MRPS6: variants seen among roughly 807,000 people sequenced by gnomAD.
The protein encoded by MRPS6 is mitochondrial ribosomal protein S6.
Under a neutral mutation model 13.1 loss-of-function variants are expected in MRPS6, and 6 were observed. That is an observed-to-expected ratio of 0.46 (90% CI 0.25 to 0.91). MRPS6 has a LOEUF of 0.91. MRPS6 is among the 40% of genes least tolerant of loss of function. The pLI is 0.18. For synonymous variants in MRPS6, 61 were observed against 56.5 expected (o/e 1.08, Z -0.36); for missense variants, 164 against 155.6 (o/e 1.05, Z -0.29).
At chr21:34,085,414 C>T (rs995301389) in intron 1 of MRPS6, among the ~76,000 whole-genome samples, 2 of 152,100 alleles carry the variant, frequency 1.3e-5, no homozygotes, top group Non-Finnish European at 2.9e-5. Flanking sequence ...TGTAAATGTA[C>T]CCTATTTCCC....
At chr21:34,124,361 C>A (rs1980225346) in intron 1 of MRPS6, 1 of 152,176 alleles carries the variant, frequency 6.6e-6, no homozygotes, top group Non-Finnish European at 1.5e-5. Flanking sequence ...TCAGGCTTAT[C>A]CTTATAAAGT....
chr21:34,117,070 C>T (rs1014630441), intron 1 of MRPS6, among the ~76,000 whole-genome samples: 14 of 152,124 alleles, frequency 9.2e-5, no homozygotes, highest in African/African-American at 3.4e-4. Context: ...TAAAGGTGTA[C>T]ACATTTTAAA....
chr21:34,075,655 A>G (rs1399592709), intron 1 of MRPS6, among the ~76,000 whole-genome samples: 1 of 152,198 alleles, frequency 6.6e-6, no homozygotes, highest in Non-Finnish European at 1.5e-5. Context: ...ACTTATGTAC[A>G]ATGGCGAAGT....
In MRPS6 at chr21:34,116,329, T is replaced by C. The variant is rs1177056160; in HGVS notation, c.46-9012T>C. 3.3e-5 allele frequency among the ~76,000 whole-genome samples: 5 copies of C among 151,784 alleles called. No homozygotes were observed. In the East Asian group the frequency reaches 9.7e-4, roughly 29 times the overall value. ...TCTCAATCATCCATGTTTTTTTTTT[T>C]TTTTTTAATTTCTATAGGTGTTTTT... is the stretch of plus-strand genomic sequence containing the variant. On this transcript the variant is annotated intron_variant, in intron 1 of 2. Transcript: ENST00000399312.
At chr21:34,088,203 T>TC (rs36070165) in intron 1 of MRPS6, among the ~76,000 whole-genome samples, 152,360 of 152,360 alleles carry the variant, frequency 1, 76,180 homozygotes, top group Non-Finnish European at 1. Context: ...TTAGATAGAA[T>TC]CTATAGCTGT....
chr21:34,098,266 T>C, intron 1 of MRPS6: 1 of 1,000,070 alleles, frequency 1.0e-6, no homozygotes, highest in Non-Finnish European at 1.2e-6. Context: ...ATTCTTGTTA[T>C]TTGGAAAAAT....
intron 1 of MRPS6, among the ~76,000 whole-genome samples, chr21:34,088,581 A>T (rs1180589673): frequency 6.6e-6 from 1 of 152,226 alleles, no homozygotes; most frequent in African/African-American, 2.4e-5. Context: ...ATCTTTTATC[A>T]ATATCGTTAA....
At chr21:34,093,730 A>C (rs1405524003) in intron 1 of MRPS6, among the ~76,000 whole-genome samples, 1 of 152,244 alleles carries the variant, frequency 6.6e-6, no homozygotes, top group African/African-American at 2.4e-5. Context: ...CAATTAACTG[A>C]AAATTTAGTA....
chr21:34,119,716 C>T (rs1189732885), intron 1 of MRPS6, among the ~76,000 whole-genome samples: 1 of 152,106 alleles, frequency 6.6e-6, no homozygotes, highest in East Asian at 1.9e-4. Flanking sequence ...CTGTCTTTCC[C>T]ATAGAGTCTA....
At chr21:34,104,537 A>C in intron 1 of MRPS6, 1 of 997,886 alleles carries the variant, frequency 1.0e-6, no homozygotes, top group Non-Finnish European at 1.2e-6. Context: ...GGTCAACTCT[A>C]ATATATCTAG....
intron 1 of MRPS6, among the ~76,000 whole-genome samples, chr21:34,085,424 C>T (rs138121634): frequency 5.7e-4 from 86 of 152,212 alleles, no homozygotes; most frequent in African/African-American, 2.0e-3. Flanking sequence ...CCCTATTTCC[C>T]TTTTGTATTA....
intron 1 of MRPS6, among the ~76,000 whole-genome samples, chr21:34,076,161 C>G (rs1053084116): frequency 2.6e-5 from 4 of 152,162 alleles, no homozygotes; most frequent in Non-Finnish European, 4.4e-5. Context: ...AGTTAAGAAA[C>G]TATAGTTTTC....
intron 1 of MRPS6, among the ~76,000 whole-genome samples, chr21:34,092,653 A>G (rs1331012572): frequency 1.3e-5 from 2 of 152,228 alleles, no homozygotes; most frequent in Non-Finnish European, 1.5e-5. Context: ...AATGTTACTG[A>G]TAGTAACAGT....
At chr21:34,089,215 T>G (rs1485325440) in intron 1 of MRPS6, among the ~76,000 whole-genome samples, 1 of 151,550 alleles carries the variant, frequency 6.6e-6, no homozygotes, top group African/African-American at 2.4e-5. Context: ...TTTTTAGAGA[T>G]GAGGTTTGGC....
intron 1 of MRPS6, among the ~76,000 whole-genome samples, chr21:34,087,045 G>GA (rs1301822928): frequency 1.3e-5 from 2 of 152,228 alleles, no homozygotes; most frequent in Non-Finnish European, 2.9e-5. Context: ...TTCCGCAGTG[G>GA]AGTTAGCACA....
chr21:34,138,357 C>T (rs1370327345), intron 2 of MRPS6, among the ~76,000 whole-genome samples: 1 of 151,924 alleles, frequency 6.6e-6, no homozygotes, highest in African/African-American at 2.4e-5. Flanking sequence ...ATGGTAATGC[C>T]TAGGTTTTCT....
chr21:34,085,738 G>A (rs1209716185), intron 1 of MRPS6, among the ~76,000 whole-genome samples: 1 of 151,984 alleles, frequency 6.6e-6, no homozygotes, highest in Non-Finnish European at 1.5e-5. Context: ...CTGGGACTGG[G>A]ACTACAGGCG....
rs376873608 is a variant in MRPS6 at position 34,118,280 on chromosome 21, A to G, written c.46-7061A>G. 1.5e-4 allele frequency among the ~76,000 whole-genome samples: 23 copies of G among 152,076 alleles called. 1 individual carries two copies. Among genetic ancestry groups the G allele is most frequent in the African/African-American group, 5.1e-4 (21 of 41,462 alleles). On this transcript the variant is annotated intron_variant, in intron 1 of 2. Transcript: ENST00000399312. ...TTGACCTGGAAGCCTTACCAATGTT[A>G]TTTTGTATGTTATGTGTATTATATA...
chr21:34,097,608 A>G (rs972978858), intron 1 of MRPS6: 2 of 1,215,408 alleles, frequency 1.6e-6, no homozygotes, highest in Non-Finnish European at 1.0e-6. Flanking sequence ...ATACCAAAGT[A>G]AGAAGAGACC....
Sources: allele counts gnomAD v4.1 joint callset (sites outside exome capture counted in the v4.1 genomes callset), GRCh38; gene constraint gnomAD v4.1.1; transcripts MANE v1.5; gene names NCBI Gene and HGNC (gene_info 2026-07-23, HGNC 2026-07-21).